Variants in METTL6 observed in about 807,000 individuals in gnomAD.
METTL6 encodes the protein methyltransferase 6, tRNA N3-cytidine.
METTL6 carries 22 observed loss-of-function variants against 26.4 expected under a neutral mutation model. The observed-to-expected ratio is 0.83, with a 90% CI of 0.59 to 1.19. The LOEUF (loss-of-function observed/expected upper bound fraction) is 1.19, where lower values mean the gene tolerates loss of function less well. Among genes scored for constraint, METTL6 ranks in the 50% most tolerant of loss-of-function variants. The pLI is 0.00. For synonymous variants in METTL6, 109 were observed against 116.2 expected (o/e 0.94, Z 0.40); for missense variants, 304 against 324.8 (o/e 0.94, Z 0.49).
At chr3:15,397,187 G>A (rs1699511907) in intron 6 of METTL6, among the ~76,000 whole-genome samples, 1 of 152,180 alleles carries the variant, frequency 6.6e-6, no homozygotes, top group Non-Finnish European at 1.5e-5. Context: ...GCAATGGCGG[G>A]CGCCCCTCCC....
intron 6 of METTL6, among the ~76,000 whole-genome samples, chr3:15,388,383 T>A (rs1373101200): frequency 1.3e-5 from 2 of 152,206 alleles, no homozygotes; most frequent in Non-Finnish European, 2.9e-5. Context: ...AGTGCTGGGA[T>A]TACAAGTGTG....
At chr3:15,407,372 T>TA (rs1699832023), downstream of METTL6, among the ~76,000 whole-genome samples, 1 of 152,164 alleles carries the variant, frequency 6.6e-6, no homozygotes, top group Admixed American at 6.5e-5. Context: ...TTATGGGGGT[T>TA]AGAATTTGGG....
At chr3:15,396,994 C>G (rs1178510089) in intron 6 of METTL6, among the ~76,000 whole-genome samples, 1 of 152,132 alleles carries the variant, frequency 6.6e-6, no homozygotes, top group East Asian at 1.9e-4. Context: ...CTGGAAGAAC[C>G]ACTACTCTCT....
chr3:15,400,456 T>C (rs1039012910), intron 6 of METTL6, among the ~76,000 whole-genome samples: 2 of 152,200 alleles, frequency 1.3e-5, no homozygotes, highest in African/African-American at 2.4e-5. Context: ...AGACAAATTA[T>C]TGAACTTTCA....
At chr3:15,407,361 T>G (rs1699831364), downstream of METTL6, among the ~76,000 whole-genome samples, 1 of 152,160 alleles carries the variant, frequency 6.6e-6, no homozygotes, top group South Asian at 2.1e-4. Flanking sequence ...GCAGCCTGGC[T>G]TTATGGGGGT....
chr3:15,414,035 T>C lies in METTL6; in HGVS notation c.659A>G (p.Tyr220Cys). The C allele has an allele frequency of 6.2e-7, 1 of 1,614,004 alleles. No individual in the cohort carries two copies. Among genetic ancestry groups the C allele is most frequent in the South Asian group, 1.1e-5 (1 of 91,070 alleles). The change falls in exon 5 of 6, where the codon TAT (tyrosine) becomes TGT (cysteine). Residue 220 changes from tyrosine to cysteine, a missense_variant. Transcript: ENST00000383790. ...ATTCATCTTACCATCAGTAAAAAAA[T>C]ATGATCTGGTCCCATCTTGTCTAAC... ...FYVRQDGTRS[Y>C]FFTDDFLAQL...
At chr3:15,402,052 C>T (rs1311291276) in intron 6 of METTL6, among the ~76,000 whole-genome samples, 6 of 152,158 alleles carry the variant, frequency 3.9e-5, no homozygotes, top group Non-Finnish European at 7.3e-5. Flanking sequence ...TGGATTGGAA[C>T]CCCTTTCCAG....
intron 6 of METTL6, among the ~76,000 whole-genome samples, chr3:15,395,832 T>C (rs1699472447): frequency 6.6e-6 from 1 of 152,238 alleles, no homozygotes; most frequent in African/African-American, 2.4e-5. Flanking sequence ...CCCCACTCTC[T>C]TCTGGCTTGT....
chr3:15,413,822 A>T, intron 5 of METTL6, 199 bp downstream of exon 5: 1 of 1,493,730 alleles, frequency 6.7e-7, no homozygotes. Context: ...GACACCAGAG[A>T]AGGCTTGTGA....
intron 6 of METTL6, among the ~76,000 whole-genome samples, chr3:15,401,484 A>G (rs1457318595): frequency 6.7e-6 from 1 of 149,298 alleles, no homozygotes; most frequent in Non-Finnish European, 1.5e-5. Context: ...CAGTTTTACA[A>G]TGTTATGTAC....
chr3:15,403,129 T>C (rs1699693013), intron 6 of METTL6, among the ~76,000 whole-genome samples: 2 of 152,148 alleles, frequency 1.3e-5, no homozygotes, highest in South Asian at 2.1e-4. Flanking sequence ...TTCAGGAATA[T>C]GCCACCATGA....
chr3:15,418,612 G>A (rs868849163), intron 3 of METTL6, among the ~76,000 whole-genome samples: 27 of 152,112 alleles, frequency 1.8e-4, no homozygotes, highest in African/African-American at 6.5e-4. Flanking sequence ...GAGAGAACAA[G>A]AGCTAAAGAA....
chr3:15,388,984 T>A (rs915138942), intron 6 of METTL6, among the ~76,000 whole-genome samples: 2 of 152,036 alleles, frequency 1.3e-5, no homozygotes, highest in Non-Finnish European at 2.9e-5. Flanking sequence ...CTCAGCCTCC[T>A]AAGTAGCTGT....
intron 3 of METTL6, among the ~76,000 whole-genome samples, chr3:15,424,123 T>C (rs2061668645): frequency 7.0e-6 from 1 of 142,202 alleles, no homozygotes; most frequent in African/African-American, 2.7e-5. Flanking sequence ...GAGGCTGTGG[T>C]GAGCCATGTT....
rs563928527 is a variant in METTL6 at position 15,388,354 on chromosome 3, G to A, written c.*12-4167C>T. Among the ~76,000 whole-genome samples, 9 of 152,098 alleles carry A rather than the reference G, an allele frequency of 5.9e-5. No individual in the cohort carries two copies. In the South Asian group the frequency reaches 1.0e-3, roughly 18 times the overall value. ...TCAAACTCCTGGCCTCAAGTGATTC[G>A]CCCGCCTCGGCCTCCCAAAGTGCTG... On this transcript the variant is annotated intron_variant, in intron 6 of 6. Transcript: ENST00000443029.
intron 6 of METTL6, among the ~76,000 whole-genome samples, chr3:15,398,692 T>C (rs1421407352): frequency 6.6e-6 from 1 of 152,028 alleles, no homozygotes; most frequent in Non-Finnish European, 1.5e-5. Flanking sequence ...TATTAAAAAG[T>C]ACAAAAAATT....
intron 6 of METTL6, among the ~76,000 whole-genome samples, chr3:15,388,090 TTGTTGTTG>T (rs1416372708): frequency 3.2e-5 from 1 of 31,676 alleles, no homozygotes; most frequent in African/African-American, 2.1e-4. Context: ...AATAAGAGTT[TTGTTGTTG>T]TTGTTGTTGT....
downstream of METTL6, among the ~76,000 whole-genome samples, chr3:15,409,069 C>G (rs1404864362): frequency 6.6e-6 from 1 of 152,198 alleles, no homozygotes; most frequent in Admixed American, 6.5e-5. Context: ...ACCATCTCTA[C>G]AAGTTCCATC....
chr3:15,389,122 C>T (rs887561812), intron 6 of METTL6, among the ~76,000 whole-genome samples: 1 of 151,368 alleles, frequency 6.6e-6, no homozygotes, highest in Middle Eastern at 3.2e-3. Flanking sequence ...TCCCAAAGTG[C>T]TGGGATTACA....
Sources: gnomAD v4.1 joint callset for allele counts (sites outside exome capture counted in the v4.1 genomes callset) on GRCh38, gnomAD v4.1.1 for gene constraint, MANE v1.5 for transcripts, NCBI Gene and HGNC (gene_info 2026-07-23, HGNC 2026-07-21) for gene names.